The following ROBO1 variants were observed in gnomAD, a reference collection of about 807,000 sequenced individuals.
ROBO1 encodes the protein roundabout homolog 1.
A neutral mutation model predicts 195.9 loss-of-function variants in ROBO1; 149 were observed. That is an observed-to-expected ratio of 0.76 (90% CI 0.67 to 0.87). ROBO1 has a LOEUF of 0.87. Among genes scored for constraint, ROBO1 ranks in the 40% least tolerant of loss-of-function variants. The probability of loss-of-function intolerance (pLI) is 0.00; values close to 1 mark genes in which losing one functional copy is unlikely to be tolerated. For synonymous variants in ROBO1, 816 were observed against 733.2 expected, an observed-to-expected ratio of 1.11 and a Z score of -1.82; for missense variants, 1,933 against 2,068.3, an observed-to-expected ratio of 0.93 and a Z score of 1.27.
intron 2 of ROBO1, among the ~76,000 whole-genome samples, chr3:79,399,946 C>T (rs1003563079): frequency 2.6e-5 from 4 of 152,106 alleles, no homozygotes; most frequent in African/African-American, 9.7e-5. Context: ...CTGATTCGCT[C>T]ACACTAGACC....
intron 2 of ROBO1, among the ~76,000 whole-genome samples, chr3:79,390,344 G>T (rs781698963): frequency 1.3e-5 from 2 of 152,074 alleles, no homozygotes; most frequent in Non-Finnish European, 1.5e-5. Flanking sequence ...AAGATTGGGA[G>T]TTAGAGATAT....
chr3:79,094,298 A>G (rs2079527646), intron 3 of ROBO1, among the ~76,000 whole-genome samples: 2 of 152,144 alleles, frequency 1.3e-5, no homozygotes, highest in South Asian at 2.1e-4. Context: ...CAAATAAGGT[A>G]AGGAAGATAG....
chr3:79,405,121 T>C (rs2037496994), intron 2 of ROBO1, among the ~76,000 whole-genome samples: 2 of 152,122 alleles, frequency 1.3e-5, no homozygotes, highest in Admixed American at 6.6e-5. Context: ...CCCAAAATAT[T>C]ATACCACAAA....
At chr3:79,110,307 C>A (rs2079862779) in intron 3 of ROBO1, among the ~76,000 whole-genome samples, 1 of 151,974 alleles carries the variant, frequency 6.6e-6, no homozygotes, top group Non-Finnish European at 1.5e-5. Context: ...AGTTCACTGA[C>A]AACTTGGAAG....
chr3:79,056,499 C>T lies in ROBO1; in HGVS notation c.172+68957G>A, dbSNP rs145686771. ...TTTAGGAAGGGTGGTCGATAAACAA[C>T]GTATTCAACCTCAAAAAGTTCACAT... On this transcript the variant is annotated intron_variant, in intron 3 of 30. Transcript: ENST00000464233. 1.6e-4 allele frequency among the ~76,000 whole-genome samples: 24 copies of T among 152,200 alleles called. No homozygotes were observed. In the East Asian group the frequency reaches 1.9e-3, roughly 12 times the overall value.
intron 2 of ROBO1, among the ~76,000 whole-genome samples, chr3:79,464,873 A>T (rs748397389): frequency 6.6e-5 from 10 of 152,298 alleles, no homozygotes; most frequent in Middle Eastern, 3.4e-3. Flanking sequence ...TACTCTACAC[A>T]TGACTCCAAT....
intron 4 of ROBO1, among the ~76,000 whole-genome samples, chr3:78,860,862 C>T (rs912335546): frequency 2.6e-5 from 4 of 152,184 alleles, no homozygotes; most frequent in Non-Finnish European, 5.9e-5. Flanking sequence ...TGAAGTCTCA[C>T]TGTGGGAGTT....
rs561053975 is a variant in ROBO1 at position 79,534,027 on chromosome 3, G to A, written c.88+55797C>T. Among the ~76,000 whole-genome samples the A allele has an allele frequency of 2.0e-3, 302 of 151,920 alleles. 1 individual carries two copies. Among genetic ancestry groups the A allele is most frequent in the African/African-American group, 5.2e-3 (214 of 41,442 alleles). ...GTGCTCACGAGGGTCCTTAAATGCA[G>A]AAGAGGAAAGCAGATGAGTGAGCAG... On this transcript the variant is annotated intron_variant, in intron 2 of 30. Coordinates refer to ENST00000464233, the MANE Select transcript of ROBO1 (RefSeq NM_002941.4).
At chr3:79,290,476 C>A (rs1048980885) in intron 2 of ROBO1, among the ~76,000 whole-genome samples, 1 of 152,086 alleles carries the variant, frequency 6.6e-6, no homozygotes. Context: ...CTATAGTATT[C>A]TCTTACTATG....
intron 3 of ROBO1, among the ~76,000 whole-genome samples, chr3:79,085,352 T>C (rs2079348397): frequency 6.6e-6 from 1 of 152,172 alleles, no homozygotes; most frequent in Non-Finnish European, 1.5e-5. Context: ...TCCACAAAAA[T>C]TTAGAAACAC....
intron 4 of ROBO1, among the ~76,000 whole-genome samples, chr3:78,799,961 A>G (rs1421717821): frequency 2.0e-5 from 3 of 152,118 alleles, no homozygotes; most frequent in Admixed American, 6.5e-5. Flanking sequence ...TGGTCACCCC[A>G]GCCTGAAAGC....
intron 4 of ROBO1, among the ~76,000 whole-genome samples, chr3:78,758,108 A>C (rs2082986111): frequency 6.6e-6 from 1 of 152,244 alleles, no homozygotes; most frequent in Non-Finnish European, 1.5e-5. Flanking sequence ...GATGATAGCT[A>C]GAATCACGCT....
intron 4 of ROBO1, among the ~76,000 whole-genome samples, chr3:78,754,608 G>A (rs1171803518): frequency 6.6e-6 from 1 of 152,156 alleles, no homozygotes; most frequent in African/African-American, 2.4e-5. Flanking sequence ...TCCAGTAAAT[G>A]TTTACTACAC....
intron 2 of ROBO1, among the ~76,000 whole-genome samples, chr3:79,208,853 C>T (rs1020179962): frequency 4.0e-5 from 6 of 151,546 alleles, no homozygotes; most frequent in East Asian, 1.9e-4. Context: ...GCAACCTTTC[C>T]GAGAAATTTC....
chr3:79,701,748 A>G (rs1024522235), intron 1 of ROBO1, among the ~76,000 whole-genome samples: 2 of 151,816 alleles, frequency 1.3e-5, no homozygotes, highest in Non-Finnish European at 1.5e-5. Context: ...TGTACATGTA[A>G]CATATGCAAT....
At chr3:79,147,507 A>G (rs1222414590) in intron 2 of ROBO1, among the ~76,000 whole-genome samples, 2 of 151,968 alleles carry the variant, frequency 1.3e-5, no homozygotes, top group Non-Finnish European at 2.9e-5. Flanking sequence ...CCAAGCTGAA[A>G]TTAGTTGCTT....
chr3:79,368,629 G>T (rs145118290), intron 2 of ROBO1, among the ~76,000 whole-genome samples: 135 of 152,174 alleles, frequency 8.9e-4, no homozygotes, highest in African/African-American at 3.1e-3. Context: ...TTGTTCTGTT[G>T]CTACAAACAT....
At chr3:79,506,917 A>G (rs887437664) in intron 2 of ROBO1, among the ~76,000 whole-genome samples, 16 of 152,320 alleles carry the variant, frequency 1.1e-4, no homozygotes, top group African/African-American at 3.8e-4. Flanking sequence ...ACCCCAATGG[A>G]AAGATTACAG....
intron 14 of ROBO1, among the ~76,000 whole-genome samples, chr3:78,665,318 A>G (rs1707668029): frequency 1.3e-5 from 2 of 152,120 alleles, no homozygotes; most frequent in African/African-American, 4.8e-5. Flanking sequence ...GTCGGTTCAG[A>G]TGGGTGTTTT....
Sources: allele counts gnomAD v4.1 joint callset (sites outside exome capture counted in the v4.1 genomes callset), GRCh38; gene constraint gnomAD v4.1.1; transcripts MANE v1.5; gene names NCBI Gene and HGNC (gene_info 2026-07-23, HGNC 2026-07-21).